Variants in CNTN5 observed in about 807,000 individuals in gnomAD.
CNTN5 encodes contactin-5.
A neutral mutation model predicts 129.1 loss-of-function variants in CNTN5; 77 were observed. The ratio of observed to expected loss-of-function variants is 0.60; its 90% CI spans 0.50 to 0.72. CNTN5 has a LOEUF of 0.72. Ranked by LOEUF, CNTN5 falls within the 30% of genes least tolerant of loss-of-function variation. CNTN5 has a pLI of 0.00. For synonymous variants in CNTN5, 509 were observed against 465.6 expected, an observed-to-expected ratio of 1.09 and a Z score of -1.20; for missense variants, 1,478 against 1,328.8, an observed-to-expected ratio of 1.11 and a Z score of -1.75.
chr11:99,700,382 G>A (rs1006337180), intron 3 of CNTN5, among the ~76,000 whole-genome samples: 2 of 151,268 alleles, frequency 1.3e-5, no homozygotes, highest in Admixed American at 1.3e-4. Context: ...ACGCATTTAG[G>A]GCAATTAAAT....
intron 2 of CNTN5, among the ~76,000 whole-genome samples, chr11:99,420,454 T>C (rs1442049693): frequency 1.3e-5 from 2 of 152,134 alleles, no homozygotes. Flanking sequence ...TAATAAGAAT[T>C]TTCATACATA....
intron 1 of CNTN5, among the ~76,000 whole-genome samples, chr11:99,187,702 T>G (rs1858423965): frequency 1.3e-5 from 2 of 151,942 alleles, no homozygotes; most frequent in African/African-American, 2.4e-5. Context: ...TTTGTCATTA[T>G]GAAAATACTG....
At chr11:99,703,247 T>A (rs1268459796) in intron 3 of CNTN5, among the ~76,000 whole-genome samples, 2 of 144,844 alleles carry the variant, frequency 1.4e-5, no homozygotes, top group Non-Finnish European at 3.1e-5. Context: ...TTTTTTTTGC[T>A]TGTTTTATGA....
intron 1 of CNTN5, among the ~76,000 whole-genome samples, chr11:99,215,955 A>G (rs969671033): frequency 3.3e-5 from 5 of 152,220 alleles, no homozygotes; most frequent in African/African-American, 1.2e-4. Flanking sequence ...ATACAGGAAC[A>G]CACTGTGTAA....
At chr11:99,748,279 G>C (rs1007216190) in intron 3 of CNTN5, among the ~76,000 whole-genome samples, 13 of 151,934 alleles carry the variant, frequency 8.6e-5, no homozygotes, top group African/African-American at 3.1e-4. Context: ...AGAAATATTG[G>C]GATTAATTAT....
At chr11:99,827,714 A>G (rs1256176581) in intron 4 of CNTN5, among the ~76,000 whole-genome samples, 2 of 152,230 alleles carry the variant, frequency 1.3e-5, no homozygotes, top group Non-Finnish European at 2.9e-5. Flanking sequence ...TTAGAGGCTT[A>G]TTAACAGATT....
chr11:99,858,734 A>C (rs1259818856), intron 6 of CNTN5, among the ~76,000 whole-genome samples: 2 of 126,330 alleles, frequency 1.6e-5, no homozygotes, highest in Non-Finnish European at 3.3e-5. Flanking sequence ...TCATTTTAGA[A>C]ATGAAAAAAA....
chr11:99,774,897 C>T (rs1182996656), intron 3 of CNTN5, among the ~76,000 whole-genome samples: 2 of 151,986 alleles, frequency 1.3e-5, no homozygotes, highest in African/African-American at 2.4e-5. Flanking sequence ...AACCAGTAAC[C>T]CAAGTATCTA....
At chr11:99,637,640 C>T (rs1489187603) in intron 3 of CNTN5, among the ~76,000 whole-genome samples, 5 of 151,938 alleles carry the variant, frequency 3.3e-5, no homozygotes, top group Non-Finnish European at 5.9e-5. Context: ...TGTTTTTAAA[C>T]TTCTCACGTT....
At chr11:99,021,353 ACT>A (rs1005885697) in intron 1 of CNTN5, 83 bp downstream of exon 1, 1 of 152,024 alleles carries the variant, frequency 6.6e-6, no homozygotes, top group Admixed American at 6.6e-5. Flanking sequence ...TTTTTGACAC[ACT>A]CTGTTCTGCA....
intron 1 of CNTN5, among the ~76,000 whole-genome samples, chr11:99,209,706 T>C (rs1325252978): frequency 6.6e-6 from 1 of 152,158 alleles, no homozygotes; most frequent in Non-Finnish European, 1.5e-5. Context: ...GAATAGACAG[T>C]CATGAATGAA....
At chr11:99,867,069 G>A (rs1202287629) in intron 6 of CNTN5, among the ~76,000 whole-genome samples, 1 of 152,178 alleles carries the variant, frequency 6.6e-6, no homozygotes. Flanking sequence ...CAGTTATTTA[G>A]AAGTAAACCT....
rs546588271 is a variant in CNTN5 at position 99,986,872 on chromosome 11, T to C, written c.878-15162T>C. 6.1e-4 allele frequency among the ~76,000 whole-genome samples: 93 copies of C among 152,218 alleles called. 1 individual carries two copies. Among genetic ancestry groups the C allele is most frequent in the Admixed American group, 5.4e-3 (82 of 15,292 alleles). ...CAAAATAAAGTAATGGCAATTAGAA[T>C]AAAAATAAGGGAATGAAAAAGAGAG... On this transcript the variant is annotated intron_variant, in intron 8 of 24. Coordinates refer to ENST00000524871, the MANE Select transcript of CNTN5 (RefSeq NM_014361.4).
chr11:99,726,036 G>T (rs1392156175), intron 3 of CNTN5, among the ~76,000 whole-genome samples: 3 of 152,150 alleles, frequency 2.0e-5, no homozygotes, highest in Non-Finnish European at 4.4e-5. Context: ...CAACTCTAAG[G>T]CACACTCCAT....
chr11:99,522,428 T>C (rs1345055349), intron 2 of CNTN5, among the ~76,000 whole-genome samples: 3 of 152,256 alleles, frequency 2.0e-5, no homozygotes, highest in Admixed American at 6.5e-5. Context: ...TATACATTTT[T>C]TTCAAATATG....
At chr11:99,085,039 C>T (rs1865947464) in intron 1 of CNTN5, among the ~76,000 whole-genome samples, 1 of 150,972 alleles carries the variant, frequency 6.6e-6, no homozygotes, top group East Asian at 2.0e-4. Context: ...TACATATTCA[C>T]TAGTAACCAA....
intron 1 of CNTN5, among the ~76,000 whole-genome samples, chr11:99,266,743 G>C (rs1408861470): frequency 6.6e-6 from 1 of 152,020 alleles, no homozygotes; most frequent in Non-Finnish European, 1.5e-5. Flanking sequence ...TTTTATAAGG[G>C]ACTTGAGCAT....
intron 3 of CNTN5, among the ~76,000 whole-genome samples, chr11:99,697,290 G>A (rs117736343): frequency 0.084 from 12,797 of 151,590 alleles, 774 homozygotes; most frequent in Non-Finnish European, 0.13. Context: ...GGAGAAGGAT[G>A]GGGTTGGGGA....
chr11:99,440,856 G>A (rs943406925), intron 2 of CNTN5, among the ~76,000 whole-genome samples: 5 of 152,148 alleles, frequency 3.3e-5, no homozygotes, highest in Admixed American at 3.3e-4. Flanking sequence ...AAGGGAAGCT[G>A]GGATACGTAA....
Sources: gnomAD v4.1 joint callset for allele counts (sites outside exome capture counted in the v4.1 genomes callset) on GRCh38, gnomAD v4.1.1 for gene constraint, MANE v1.5 for transcripts, NCBI Gene and HGNC (gene_info 2026-07-23, HGNC 2026-07-21) for gene names.